COL18A1: variants seen among roughly 807,000 people sequenced by gnomAD.
COL18A1 encodes collagen alpha-1(XVIII) chain.
A neutral mutation model predicts 168.0 loss-of-function variants in COL18A1; 133 were observed. The observed-to-expected ratio is 0.79, with a 90% CI of 0.69 to 0.91. The LOEUF (loss-of-function observed/expected upper bound fraction) is 0.91, where lower values mean the gene tolerates loss of function less well. COL18A1 is among the 40% of genes least tolerant of loss of function. COL18A1 has a pLI of 0.00. For synonymous variants in COL18A1, 949 were observed against 809.0 expected (o/e 1.17, Z -2.94); for missense variants, 2,126 against 1,925.4 (o/e 1.10, Z -1.95).
At chr21:45,509,866 C>A (rs541821492) in intron 39 of COL18A1, among the ~76,000 whole-genome samples, 198 bp from the exon 40 acceptor site, 1 of 152,308 alleles carries the variant, frequency 6.6e-6, no homozygotes, top group South Asian at 2.1e-4. Context: ...GGGGCACCCA[C>A]GTGGCCCGGG....
Position 45,405,340 on chromosome 21 carries a change from G to GGGCTCGGCC in COL18A1, c.12-37_12-36insCTCGGCCGG, listed in dbSNP as rs1437024047. On this transcript the variant is annotated intron_variant, in intron 1 of 41. Transcript: ENST00000651438. ...TCGGCCGGGTCCTGCGGGGGTCGCG[G>GGGCTCGGCC]GGGTCCTGCGGGGTCTGACCCGTGC... is the stretch of plus-strand genomic sequence containing the variant. 1.3e-4 allele frequency: 143 copies of GGGCTCGGCC among 1,137,822 alleles called. No homozygotes were observed. In the South Asian group the frequency reaches 2.7e-3, roughly 22 times the overall value. The allele number at this position is 1,137,822 out of a possible 1,614,324, so 70.5% of individuals were successfully genotyped here.
At chr21:45,506,033 A>G (rs1186339152) in intron 37 of COL18A1, 67 bp downstream of exon 37, 1 of 1,610,008 alleles carries the variant, frequency 6.2e-7, no homozygotes, top group African/African-American at 1.3e-5. Context: ...GGGCTTAAGG[A>G]AGGCGAGAGG....
At chr21:45,475,879 G>A (rs188033294) in intron 5 of COL18A1, among the ~76,000 whole-genome samples, 10 of 152,384 alleles carry the variant, frequency 6.6e-5, no homozygotes, top group Admixed American at 5.2e-4. Context: ...GAATGAACGC[G>A]TGTGTGAGCC....
chr21:45,454,713 CG>C (rs916740213), intron 2 of COL18A1, among the ~76,000 whole-genome samples: 44 of 152,122 alleles, frequency 2.9e-4, no homozygotes, highest in African/African-American at 9.2e-4. Context: ...GGGCAGCTGG[CG>C]GGGGGGCACA....
At chr21:45,476,660 TGTG>T (rs1602483628) in intron 6 of COL18A1, among the ~76,000 whole-genome samples, 180 bp downstream of exon 6, 1 of 151,016 alleles carries the variant, frequency 6.6e-6, no homozygotes, top group East Asian at 1.9e-4. Context: ...GTGTTTGATG[TGTG>T]GTGTGTGATG....
intron 2 of COL18A1, among the ~76,000 whole-genome samples, chr21:45,410,342 C>T (rs559683291): frequency 6.6e-6 from 1 of 152,228 alleles, no homozygotes; most frequent in South Asian, 2.1e-4. Context: ...CGGTTTGGCT[C>T]TCACCACGCC....
At chr21:45,446,042 C>T (rs976744897) in intron 2 of COL18A1, among the ~76,000 whole-genome samples, 2 of 152,102 alleles carry the variant, frequency 1.3e-5, no homozygotes, top group Non-Finnish European at 2.9e-5. Flanking sequence ...AAAAGAAAAC[C>T]TTCAAAAGTT....
At chr21:45,440,130 G>T (rs1220618072) in intron 2 of COL18A1, among the ~76,000 whole-genome samples, 1 of 152,258 alleles carries the variant, frequency 6.6e-6, no homozygotes, top group Non-Finnish European at 1.5e-5. Flanking sequence ...GGATGTAAGG[G>T]CAAGGGCTGC....
chr21:45,509,739 C>G, intron 39 of COL18A1, 138 bp downstream of exon 39: 1 of 710,898 alleles, frequency 1.4e-6, no homozygotes, highest in Non-Finnish European at 2.5e-6. Flanking sequence ...CAGGGCCACT[C>G]AGGGCGGCTT....
At chr21:45,444,783 T>G (rs1373627732) in intron 2 of COL18A1, among the ~76,000 whole-genome samples, 6 of 152,168 alleles carry the variant, frequency 3.9e-5, no homozygotes, top group Non-Finnish European at 8.8e-5. Flanking sequence ...GTCCATACCC[T>G]AGTTTTTAAA....
At chr21:45,499,789 GCA>G (rs1281326983) in intron 32 of COL18A1, among the ~76,000 whole-genome samples, 1 of 152,186 alleles carries the variant, frequency 6.6e-6, no homozygotes, top group Non-Finnish European at 1.5e-5. Context: ...AGGCAGGACG[GCA>G]CACACACAGG....
At chr21:45,429,173 T>C (rs529669891) in intron 2 of COL18A1, among the ~76,000 whole-genome samples, 1 of 152,298 alleles carries the variant, frequency 6.6e-6, no homozygotes, top group African/African-American at 2.4e-5. Context: ...ATTGTTGGGA[T>C]TACAGGCGTG....
Position 45,488,400 on chromosome 21 carries a change from T to C in COL18A1, c.1897-18T>C. On this transcript the variant is annotated intron_variant, in intron 17 of 41. Coordinates refer to ENST00000651438, the MANE Select transcript of COL18A1 (RefSeq NM_001379500.1). ...GGCCTCCAGCTGCACTAACACTGTG[T>C]CTCCTCTGCCCTGACAGGGACCTCC... The C allele has an allele frequency of 8.7e-6, 14 of 1,613,782 alleles. No homozygotes were observed. The highest frequency in any genetic ancestry group is 1.2e-5 in the Non-Finnish European group (14 of 1,179,974).
Position 45,509,571 on chromosome 21 carries a change from C to T in COL18A1, c.3465C>T (p.Pro1155=), listed in dbSNP as rs766174875. 1.1e-5 allele frequency: 17 copies of T among 1,528,854 alleles called. No individual in the cohort carries two copies. Among genetic ancestry groups the T allele is most frequent in the South Asian group, 4.8e-5 (4 of 84,058 alleles). 94.7% of individuals were successfully genotyped at this position (1,528,854 alleles called of 1,614,324 possible). Residue 1155 remains proline, a synonymous_variant, in exon 39 of 42, where the codon CCC becomes CCT. Transcript: ENST00000651438. ...GGCCGGCGCGACCCACAAGCCCACC[C>T]GCCCACAGCCACCGCGACTTCCAGC... ...HLRPARPTSP[P]AHSHRDFQPV...
chr21:45,416,680 TTAG>T (rs765824518), intron 2 of COL18A1, among the ~76,000 whole-genome samples: 22 of 152,138 alleles, frequency 1.4e-4, no homozygotes, highest in Non-Finnish European at 2.6e-4. Flanking sequence ...GTGCTAAATA[TTAG>T]TCAGATTGGA....
At position 45,498,569 on chromosome 21, in the gene COL18A1, C is replaced by T. The variant is rs546910306; in HGVS notation, c.2683+908C>T. The stretch of plus-strand genomic sequence containing the variant: ...GGCTGCACTCTGGGGTGGGAAGGGA[C>T]CAGGCAGGCAGAGGCCGAGTCTGGG... On this transcript the variant is annotated intron_variant, in intron 32 of 41. Transcript: ENST00000651438. The surrounding 1 kb of genome is among the most constrained non-coding windows in gnomAD (Gnocchi z 4.5). The T allele has an allele frequency of 7.0e-6, 5 of 716,712 alleles. No individual in the cohort carries two copies. The highest frequency in any genetic ancestry group is 6.0e-5 in the Admixed American group (3 of 49,946). The allele number at this position is 716,712 out of a possible 1,614,324, so 44.4% of individuals were successfully genotyped here. A position where few individuals can be genotyped will look rare whatever the true frequency, so the allele number is the denominator to read the frequency against.
In COL18A1 at chr21:45,481,854, C is replaced by T. The variant is rs1039438272; in HGVS notation, c.1612-109C>T. 45 of 800,996 alleles carry T rather than the reference C, an allele frequency of 5.6e-5. No homozygotes were observed. In the South Asian group the frequency reaches 5.9e-4, roughly 10 times the overall value. The allele number at this position is 800,996 out of a possible 1,614,324, so 49.6% of individuals were successfully genotyped here. A position where few individuals can be genotyped will look rare whatever the true frequency, so the allele number is the denominator to read the frequency against. ...TCTGGCCCTGTGTCTGGGGAACGTT[C>T]TGTGTCCTGCCTTCTGGAAACCTGC... On this transcript the variant is annotated intron_variant, in intron 13 of 41. Coordinates refer to ENST00000651438, the MANE Select transcript of COL18A1 (RefSeq NM_001379500.1).
chr21:45,491,408 C>T (rs2036341563), intron 22 of COL18A1, 94 bp downstream of exon 22: 9 of 713,936 alleles, frequency 1.3e-5, no homozygotes, highest in Non-Finnish European at 2.3e-5. Context: ...CCCCACATCC[C>T]CCAGGTCAGG....
intron 2 of COL18A1, among the ~76,000 whole-genome samples, chr21:45,410,352 C>T (rs895670991): frequency 1.1e-4 from 16 of 152,200 alleles, no homozygotes; most frequent in Non-Finnish European, 2.4e-4. Flanking sequence ...CTCACCACGC[C>T]GGCTTCCAGA....
Sources: gnomAD v4.1 joint callset for allele counts (sites outside exome capture counted in the v4.1 genomes callset) on GRCh38, gnomAD v4.1.1 for gene constraint, Gnocchi (gnomAD v3.1) non-coding constraint, MANE v1.5 for transcripts, NCBI Gene and HGNC (gene_info 2026-07-23, HGNC 2026-07-21) for gene names.